The following ADAMTS20 variants were observed in gnomAD, a reference collection of about 807,000 sequenced individuals.
ADAMTS20 encodes the protein A disintegrin and metalloproteinase with thrombospondin motifs 20.
In ADAMTS20, 225 loss-of-function variants were observed where a neutral mutation model predicts 260.1. That is an observed-to-expected ratio of 0.87 (90% confidence interval 0.78 to 0.97). The LOEUF (loss-of-function observed/expected upper bound fraction) is 0.97. ADAMTS20 is among the 50% of genes least tolerant of loss of function. The pLI is 0.00. For missense variants in ADAMTS20, 2,400 were observed against 2,337.7 expected (o/e 1.03, Z -0.55); for synonymous variants, 802 against 769.5 (o/e 1.04, Z -0.70).
At chr12:43,445,401 A>G (rs1319455703) in intron 15 of ADAMTS20, among the ~76,000 whole-genome samples, 1 of 152,214 alleles carries the variant, frequency 6.6e-6, no homozygotes, top group African/African-American at 2.4e-5. Context: ...ATCATCTAGT[A>G]ACCGAGATTT....
In ADAMTS20 at chr12:43,476,792, C is replaced by T. The variant is rs112405290; in HGVS notation, c.1118-8087G>A. Among the ~76,000 whole-genome samples the T allele has an allele frequency of 4.3e-3, 611 of 143,062 alleles. 5 individuals are homozygous for T. Among genetic ancestry groups the T allele is most frequent in the African/African-American group, 0.015 (576 of 38,278 alleles). The allele number at this position is 143,062 out of a possible 152,430, so 93.9% of individuals were successfully genotyped here. On this transcript the variant is annotated intron_variant, in intron 7 of 38. Coordinates refer to ENST00000389420, the MANE Select transcript of ADAMTS20 (RefSeq NM_025003.5). The stretch of plus-strand genomic sequence containing the variant: ...TTCTCACTCATAGGTGGGAATTGAA[C>T]AATGAGATCAGCTGGACACATGAAG...
At chr12:43,531,954 G>A (rs1440582251) in intron 3 of ADAMTS20, 82 bp downstream of exon 3, 2 of 887,196 alleles carry the variant, frequency 2.3e-6, no homozygotes, top group Non-Finnish European at 3.0e-6. Flanking sequence ...ATATTGAAGG[G>A]AAATATATAA....
chr12:43,375,596 C>T (rs2137210884), intron 35 of ADAMTS20, 84 bp from the exon 36 acceptor site: 1 of 1,410,444 alleles, frequency 7.1e-7, no homozygotes, highest in Admixed American at 1.9e-5. Flanking sequence ...AAAAATAAAA[C>T]ACACTCCTGC....
chr12:43,488,826 A>T (rs1942560130), intron 7 of ADAMTS20, among the ~76,000 whole-genome samples: 1 of 152,166 alleles, frequency 6.6e-6, no homozygotes, highest in African/African-American at 2.4e-5. Context: ...TTATAGCAAT[A>T]CTATGAAATC....
At chr12:43,460,180 T>G (rs1179882030) in intron 11 of ADAMTS20, among the ~76,000 whole-genome samples, 3 of 152,234 alleles carry the variant, frequency 2.0e-5, no homozygotes, top group African/African-American at 7.2e-5. Flanking sequence ...ATAATCCACA[T>G]GATGCTACCC....
In ADAMTS20 at chr12:43,454,162, AAGCT is replaced by A. The variant is rs1481666581; in HGVS notation, c.1615-114_1615-111del. ...ACAGAAGAACAAACTAAACAATTTG[AAGCT>A]AGCTGTTATTAATTCAGATTACATT... On this transcript the variant is annotated intron_variant, in intron 11 of 38. Coordinates refer to ENST00000389420, the MANE Select transcript of ADAMTS20 (RefSeq NM_025003.5). 5 of 1,220,862 alleles carry A rather than the reference AAGCT, an allele frequency of 4.1e-6. No homozygotes were observed. The African/African-American group carries it at 4.6e-5, about 11-fold the overall frequency. 75.6% of individuals were successfully genotyped at this position (1,220,862 alleles called of 1,614,324 possible).
chr12:43,397,587 G>A (rs1287111475), intron 29 of ADAMTS20, among the ~76,000 whole-genome samples: 1 of 152,090 alleles, frequency 6.6e-6, no homozygotes, highest in Non-Finnish European at 1.5e-5. Context: ...GGATAAGGAT[G>A]GATCCAGTAT....
intron 15 of ADAMTS20, 82 bp from the exon 16 acceptor site, chr12:43,443,965 C>T (rs966049069): frequency 7.3e-6 from 8 of 1,101,980 alleles, no homozygotes; most frequent in Admixed American, 1.8e-5. Context: ...ATGAAAAATT[C>T]GAATAGCATA....
intron 28 of ADAMTS20, among the ~76,000 whole-genome samples, chr12:43,420,853 G>C (rs1941218612): frequency 8.0e-6 from 1 of 125,606 alleles, no homozygotes; most frequent in Non-Finnish European, 1.6e-5. Flanking sequence ...TGTCACGCAG[G>C]CTGGAATGCA....
At chr12:43,420,265 C>G (rs894498260) in intron 28 of ADAMTS20, among the ~76,000 whole-genome samples, 1 of 152,272 alleles carries the variant, frequency 6.6e-6, no homozygotes, top group South Asian at 2.1e-4. Flanking sequence ...ACCTTGTCCA[C>G]AGTGCCTGGT....
At chr12:43,510,573 T>G (rs1226409517) in intron 3 of ADAMTS20, among the ~76,000 whole-genome samples, 1 of 152,100 alleles carries the variant, frequency 6.6e-6, no homozygotes, top group African/African-American at 2.4e-5. Flanking sequence ...ACATCATTTC[T>G]ATGTAATACA....
chr12:43,428,697 G>T lies in ADAMTS20; in HGVS notation c.3592C>A (p.Pro1198Thr). The T allele has an allele frequency of 6.2e-7, 1 of 1,612,168 alleles. No homozygotes were observed. Among genetic ancestry groups the T allele is most frequent in the Non-Finnish European group, 8.5e-7 (1 of 1,178,774 alleles). ...GTAAAACAGTCCCATATTTCAGCAG[G>T]TCGGGGTAAGTGGGCACAATATGAT... Reference protein sequence around the residue: ...DESYCAHLPRPAEIWDCFTPC... With the variant: ...DESYCAHLPRTAEIWDCFTPC... Residue 1198 changes from proline to threonine, a missense_variant, in exon 25 of 39, where the codon CCT (proline) becomes ACT (threonine). Coordinates refer to ENST00000389420, the MANE Select transcript of ADAMTS20 (RefSeq NM_025003.5).
chr12:43,398,521 A>G lies in ADAMTS20; in HGVS notation c.4452+545T>C, dbSNP rs546550108. On this transcript the variant is annotated intron_variant, in intron 29 of 38. Coordinates refer to ENST00000389420, the MANE Select transcript of ADAMTS20 (RefSeq NM_025003.5). ...ACTCTCAATCTCGGATTACAATCCC[A>G]TCTGGAATTTACCAGTCCCTTCTCC... Among the ~76,000 whole-genome samples, 5 of 152,296 alleles carry G rather than the reference A, an allele frequency of 3.3e-5. No individual in the cohort carries two copies. In the South Asian group the frequency reaches 1.0e-3, roughly 32 times the overall value.
intron 28 of ADAMTS20, among the ~76,000 whole-genome samples, chr12:43,402,521 TAAAGTA>T (rs1307804419): frequency 6.6e-6 from 1 of 152,016 alleles, no homozygotes. Flanking sequence ...GGAATTTCTT[TAAAGTA>T]AAACAGGACA....
chr12:43,391,404 T>C (rs1299584046), intron 29 of ADAMTS20, among the ~76,000 whole-genome samples: 1 of 152,172 alleles, frequency 6.6e-6, no homozygotes, highest in Non-Finnish European at 1.5e-5. Context: ...CAGACTGAGC[T>C]CTTACTGTGT....
intron 28 of ADAMTS20, among the ~76,000 whole-genome samples, chr12:43,418,545 G>A (rs913363717): frequency 1.3e-5 from 2 of 152,178 alleles, no homozygotes; most frequent in South Asian, 2.1e-4. Flanking sequence ...TACTGACCTC[G>A]TGATCTGCCT....
In ADAMTS20 at chr12:43,502,376, A is replaced by G. The variant is rs1355413676; in HGVS notation, c.643T>C (p.Phe215Leu). 36 of 1,600,038 alleles carry G rather than the reference A, an allele frequency of 2.2e-5. No individual in the cohort carries two copies. The highest frequency in any genetic ancestry group is 3.0e-5 in the Non-Finnish European group (35 of 1,176,548). Residue 215 changes from phenylalanine (F) to leucine (L), a missense_variant, in exon 4 of 39, where the codon TTT becomes CTT. Physicochemically the swap from Phe to Leu is conservative, Grantham distance 22 (BLOSUM62 0). Coordinates refer to ENST00000389420, the MANE Select transcript of ADAMTS20 (RefSeq NM_025003.5). ...TCATTCATGTTGCTGTAGGTATGAA[A>G]GGGTAAACTGGTTTCCTTTATTTGA... ...ESQIKETSLP[F>L]HTYSNMNEDL...
intron 29 of ADAMTS20, among the ~76,000 whole-genome samples, chr12:43,387,846 T>C (rs1014016572): frequency 5.9e-5 from 9 of 152,172 alleles, no homozygotes; most frequent in African/African-American, 1.9e-4. Context: ...GAAAACTGTC[T>C]GTCAAGTCTC....
chr12:43,493,336 A>G (rs1339951031), intron 4 of ADAMTS20, 83 bp from the exon 5 acceptor site: 4 of 949,920 alleles, frequency 4.2e-6, no homozygotes, highest in Non-Finnish European at 6.4e-6. Flanking sequence ...ACAGAGTATC[A>G]ATTCTCTAAT....
Sources: gnomAD v4.1 joint callset for allele counts (sites outside exome capture counted in the v4.1 genomes callset) on GRCh38, gnomAD v4.1.1 for gene constraint, MANE v1.5 for transcripts, NCBI Gene and HGNC (gene_info 2026-07-23, HGNC 2026-07-21) for gene names.